FHAD1: variants seen among roughly 807,000 people sequenced by gnomAD.
FHAD1 encodes the protein forkhead associated phosphopeptide binding domain 1.
FHAD1 carries 146 observed loss-of-function variants against 191.3 expected under a neutral mutation model. That is an observed-to-expected ratio of 0.76 (90% confidence interval 0.67 to 0.88). FHAD1 has a LOEUF of 0.88. Among genes scored for constraint, FHAD1 ranks in the 40% least tolerant of loss-of-function variants. The probability of loss-of-function intolerance (pLI) is 0.00; values close to 1 mark genes in which losing one functional copy is unlikely to be tolerated. For synonymous variants in FHAD1, 616 were observed against 672.3 expected (o/e 0.92, Z 1.29); for missense variants, 1,635 against 1,785.8 (o/e 0.92, Z 1.52).
chr1:15,379,950 A>G (rs1205158078), intron 28 of FHAD1, among the ~76,000 whole-genome samples: 1 of 152,176 alleles, frequency 6.6e-6, no homozygotes, highest in Admixed American at 6.5e-5. Context: ...CACAGTAACA[A>G]TCTGATCTCT....
intron 1 of FHAD1, among the ~76,000 whole-genome samples, chr1:15,240,409 G>A (rs116225611): frequency 0.015 from 2,326 of 151,940 alleles, 63 homozygotes; most frequent in African/African-American, 0.054. Context: ...TGGGAGGATC[G>A]CTTGAGCCCG....
At chr1:15,324,083 T>A (rs946093647) in intron 10 of FHAD1, among the ~76,000 whole-genome samples, 6 of 152,164 alleles carry the variant, frequency 3.9e-5, no homozygotes, top group African/African-American at 7.2e-5. Flanking sequence ...CCAAACTTTT[T>A]AAAATCCCCA....
chr1:15,263,510 C>CTTTTTTTTTTTT (rs771788861), intron 2 of FHAD1, among the ~76,000 whole-genome samples: 85 of 75,066 alleles, frequency 1.1e-3, no homozygotes, highest in Non-Finnish European at 1.6e-3. Flanking sequence ...CAGTTTTATT[C>CTTTTTTTTTTTT]TTTTTTTTTT....
intron 28 of FHAD1, 92 bp downstream of exon 28, chr1:15,375,822 C>A: frequency 7.4e-7 from 1 of 1,351,080 alleles, no homozygotes; most frequent in Non-Finnish European, 9.9e-7. Context: ...CACAGCCATA[C>A]ATGTCAGTGG....
intron 28 of FHAD1, among the ~76,000 whole-genome samples, chr1:15,379,206 T>G (rs1164274945): frequency 6.6e-6 from 1 of 152,118 alleles, no homozygotes; most frequent in African/African-American, 2.4e-5. Flanking sequence ...CATTCGTGGG[T>G]GTTTCTCCGA....
At chr1:15,336,802 G>A (rs986017558) in intron 14 of FHAD1, among the ~76,000 whole-genome samples, 1 of 152,002 alleles carries the variant, frequency 6.6e-6, no homozygotes, top group South Asian at 2.1e-4. Context: ...CCACCCTCTC[G>A]GGGACTGTGT....
chr1:15,382,248 A>T (rs1183971132), intron 31 of FHAD1, 55 bp downstream of exon 31: 12 of 1,523,710 alleles, frequency 7.9e-6, no homozygotes, highest in African/African-American at 1.4e-5. Flanking sequence ...AGCTCCCATT[A>T]GCAATGGCCG....
intron 6 of FHAD1, chr1:15,305,835 T>C: frequency 2.4e-6 from 1 of 413,804 alleles, no homozygotes; most frequent in Non-Finnish European, 4.8e-6. Flanking sequence ...TCCAATTAAA[T>C]CTCTTTTTCT....
At chr1:15,249,995 GA>G (rs1646577680) in intron 1 of FHAD1, among the ~76,000 whole-genome samples, 1 of 152,194 alleles carries the variant, frequency 6.6e-6, no homozygotes, top group Admixed American at 6.5e-5. Context: ...CTCTGAGGAT[GA>G]AAAGAGTATA....
intron 3 of FHAD1, among the ~76,000 whole-genome samples, chr1:15,278,309 C>G (rs182480020): frequency 1.3e-5 from 2 of 152,184 alleles, no homozygotes; most frequent in East Asian, 1.9e-4. Flanking sequence ...CTTTCATTTA[C>G]CCAGTGTCTG....
intron 33 of FHAD1, among the ~76,000 whole-genome samples, chr1:15,396,468 G>A (rs1008165860): frequency 6.6e-6 from 1 of 152,080 alleles, no homozygotes; most frequent in African/African-American, 2.4e-5. Flanking sequence ...ATCTGTGTGT[G>A]TATATATATA....
chr1:15,332,226 T>C (rs1227406054), intron 14 of FHAD1, among the ~76,000 whole-genome samples: 1 of 152,106 alleles, frequency 6.6e-6, no homozygotes, highest in Non-Finnish European at 1.5e-5. Context: ...GTGAGCTTAC[T>C]TGAAATAAGG....
At position 15,276,241 on chromosome 1, in the gene FHAD1, A is replaced by G. The variant is rs1450304965; in HGVS notation, c.300+3712A>G. On this transcript the variant is annotated intron_variant, in intron 3 of 33. Transcript: ENST00000688493. This position sits in a 1 kb window ranked among gnomAD's most constrained non-coding sequence, Gnocchi z 4.7. ...AGTAGTAAACGGGTCATTGTTTGCA[A>G]ATTGCTTAGCCCAGTATCTGGTGCC... 6.6e-6 allele frequency among the ~76,000 whole-genome samples: 1 copy of G among 152,172 alleles called. No individual in the cohort carries two copies. The highest frequency in any genetic ancestry group is 2.4e-5 in the African/African-American group (1 of 41,432).
chr1:15,393,589 C>G (rs2103155832), intron 33 of FHAD1, among the ~76,000 whole-genome samples: 1 of 151,300 alleles, frequency 6.6e-6, no homozygotes, highest in South Asian at 2.1e-4. Context: ...GCCTGCCTGC[C>G]TGGCTTACAG....
At chr1:15,340,247 C>T (rs753341077) in intron 15 of FHAD1, among the ~76,000 whole-genome samples, 10 of 152,240 alleles carry the variant, frequency 6.6e-5, no homozygotes, top group East Asian at 1.9e-4. Flanking sequence ...ATGAGCTTTA[C>T]GGGTTATATC....
In FHAD1 at chr1:15,365,844, C is replaced by G. The variant is rs1696257257; in HGVS notation, c.3065C>G (p.Ala1022Gly). 6 of 1,551,098 alleles carry G rather than the reference C, an allele frequency of 3.9e-6. No individual in the cohort carries two copies. Among genetic ancestry groups the G allele is most frequent in the Non-Finnish European group, 5.2e-6 (6 of 1,146,486 alleles). Reference sequence around the variant, plus strand: ...AATTTCAGAGATGACTTATTGGCTGCTCAGAAGGAAATTCTGTCTCAGCAG... The same window carrying G: ...AATTTCAGAGATGACTTATTGGCTGGTCAGAAGGAAATTCTGTCTCAGCAG... ...YEHLIDDLLA[A>G]QKEILSQQEV... is the part of the protein sequence containing the mutation. Residue 1022 changes from alanine (A) to glycine (G), a missense_variant, in exon 24 of 34, where the codon GCT becomes GGT. Physicochemically the swap from Ala to Gly is moderately conservative, Grantham distance 60. Transcript: ENST00000688493.
At position 15,289,626 on chromosome 1, in the gene FHAD1, CG is replaced by C; in HGVS notation, c.529del (p.Val177TrpfsTer19). On this transcript the variant is annotated frameshift_variant, in exon 4 of 34. Coordinates refer to ENST00000688493, the MANE Select transcript of FHAD1 (RefSeq NM_001391957.1). LOFTEE classifies it high-confidence loss of function. The surrounding 1 kb of genome is among the most constrained non-coding windows in gnomAD (Gnocchi z 4.2). ...VSANKEMFSF[V>X]VDDARKPPVI... ...GCGCCAACAAGGAGATGTTCTCGTT[CG>C]TGGTGGACGACGCCCGCAAGCCACC... 6.4e-7 allele frequency: 1 copy of C among 1,551,150 alleles called. No individual in the cohort carries two copies. The highest frequency in any genetic ancestry group is 8.7e-7 in the Non-Finnish European group (1 of 1,146,500).
intron 10 of FHAD1, among the ~76,000 whole-genome samples, chr1:15,322,050 T>C (rs1485689083): frequency 6.8e-6 from 1 of 147,624 alleles, no homozygotes; most frequent in Non-Finnish European, 1.5e-5. Context: ...GTATTCTGGA[T>C]TTTTTAAATG....
intron 11 of FHAD1, chr1:15,324,778 T>C (rs1677673796): frequency 1.8e-6 from 1 of 557,360 alleles, no homozygotes; most frequent in Non-Finnish European, 3.2e-6. Flanking sequence ...TCGAATAGTT[T>C]ACGATGACCC....
Sources: allele counts gnomAD v4.1 joint callset (sites outside exome capture counted in the v4.1 genomes callset), GRCh38; gene constraint gnomAD v4.1.1; non-coding constraint Gnocchi (gnomAD v3.1); transcripts MANE v1.5; gene names NCBI Gene and HGNC (gene_info 2026-07-23, HGNC 2026-07-21).